The following SOX5 variants were observed in gnomAD, a reference collection of about 807,000 sequenced individuals.
SOX5 encodes the protein SRY-box transcription factor 5.
A neutral mutation model predicts 92.0 loss-of-function variants in SOX5; 9 were observed. The observed-to-expected ratio is 0.10, with a 90% CI of 0.06 to 0.17. SOX5 has a LOEUF of 0.17. Ranked by LOEUF, SOX5 falls within the 10% of genes least tolerant of loss-of-function variation. SOX5 has a pLI of 1.00. For synonymous variants in SOX5, 344 were observed against 336.3 expected, an observed-to-expected ratio of 1.02 and a Z score of -0.25; for missense variants, 642 against 944.5, an observed-to-expected ratio of 0.68 and a Z score of 4.20.
intron 8 of SOX5, among the ~76,000 whole-genome samples, chr12:23,610,603 C>T (rs951175259): frequency 2.6e-5 from 4 of 152,146 alleles, no homozygotes; most frequent in East Asian, 1.9e-4. Context: ...AGTGACTATA[C>T]ATAAAACAAA....
chr12:23,807,938 G>A (rs2095810519), intron 3 of SOX5, among the ~76,000 whole-genome samples: 1 of 152,068 alleles, frequency 6.6e-6, no homozygotes, highest in African/African-American at 2.4e-5. Context: ...GCAAGCCACT[G>A]CATCTGGACA....
At chr12:24,039,419 G>A (rs1230103124) in intron 4 of SOX5, among the ~76,000 whole-genome samples, 1 of 152,164 alleles carries the variant, frequency 6.6e-6, no homozygotes, top group Non-Finnish European at 1.5e-5. Context: ...AGATAATACT[G>A]AGATGAGTTA....
chr12:24,140,807 A>T, intron 4 of SOX5, among the ~76,000 whole-genome samples: 1 of 152,230 alleles, frequency 6.6e-6, no homozygotes. Context: ...ATCCATAGAT[A>T]TAACGACAAA....
intron 2 of SOX5, among the ~76,000 whole-genome samples, chr12:24,287,324 G>T (rs1945997379): frequency 6.7e-6 from 1 of 149,916 alleles, no homozygotes; most frequent in South Asian, 2.1e-4. Context: ...ATTCATTTTT[G>T]AAAAATTTAC....
chr12:24,176,977 G>GTTTTTTTTTTT (rs11295163), intron 4 of SOX5, among the ~76,000 whole-genome samples: 3 of 135,100 alleles, frequency 2.2e-5, no homozygotes, highest in African/African-American at 2.8e-5. Context: ...TTTGTTTTTT[G>GTTTTTTTTTTT]TTTTTTTTTT....
chr12:23,544,429 GGGGACTTGTAGAGACTGTA>G (rs1157933990), intron 12 of SOX5, among the ~76,000 whole-genome samples: 56 of 151,392 alleles, frequency 3.7e-4, no homozygotes, highest in Admixed American at 3.6e-3. Context: ...AAAATACTTT[GGGGACTTGTAGAGACTGTA>G]TTATCAACAA....
intron 8 of SOX5, among the ~76,000 whole-genome samples, chr12:23,634,363 T>C (rs986246469): frequency 2.6e-5 from 4 of 152,178 alleles, no homozygotes; most frequent in Non-Finnish European, 5.9e-5. Context: ...GTGTGCTATC[T>C]CTTAGGATCC....
At chr12:24,519,550 A>G (rs1950086048) in intron 1 of SOX5, among the ~76,000 whole-genome samples, 1 of 152,216 alleles carries the variant, frequency 6.6e-6, no homozygotes, top group African/African-American at 2.4e-5. Context: ...TCTATGCAGC[A>G]GAAACAGGAT....
At chr12:24,478,922 T>G (rs1470951853) in intron 1 of SOX5, among the ~76,000 whole-genome samples, 2 of 152,348 alleles carry the variant, frequency 1.3e-5, no homozygotes, top group African/African-American at 4.8e-5. Flanking sequence ...ATCTTCAACA[T>G]CATTCAAATG....
At chr12:24,459,921 G>A (rs1323942811) in intron 1 of SOX5, among the ~76,000 whole-genome samples, 1 of 152,156 alleles carries the variant, frequency 6.6e-6, no homozygotes, top group Non-Finnish European at 1.5e-5. Flanking sequence ...ACAATACTGT[G>A]GAGCTGAAGC....
chr12:24,294,942 C>A (rs775886368), intron 2 of SOX5, among the ~76,000 whole-genome samples: 10 of 152,098 alleles, frequency 6.6e-5, no homozygotes, highest in Non-Finnish European at 1.5e-4. Context: ...TTAACATCCA[C>A]AAAAGGTAAA....
In SOX5 at chr12:24,393,987, A is replaced by C. The variant is rs988038941; in HGVS notation, c.-250-25348T>G. The stretch of plus-strand genomic sequence containing the variant: ...ATAAAACCGTGAGTGGCTGAAGAAC[A>C]CACAATAGCATTCAGAACAGAGACC... On this transcript the variant is annotated intron_variant, in intron 1 of 4. Transcript: ENST00000446891. This position sits in a 1 kb window ranked among gnomAD's most constrained non-coding sequence, Gnocchi z 5.0. 6.6e-6 allele frequency among the ~76,000 whole-genome samples: 1 copy of C among 152,222 alleles called. No homozygotes were observed. Among genetic ancestry groups the C allele is most frequent in the African/African-American group, 2.4e-5 (1 of 41,462 alleles).
At chr12:24,528,635 A>C (rs1950919332) in intron 1 of SOX5, among the ~76,000 whole-genome samples, 1 of 152,218 alleles carries the variant, frequency 6.6e-6, no homozygotes. Flanking sequence ...TAGCCAGCCC[A>C]TATTGCGAGA....
chr12:24,310,487 C>A (rs1007635637), intron 2 of SOX5, among the ~76,000 whole-genome samples: 12 of 152,206 alleles, frequency 7.9e-5, no homozygotes, highest in African/African-American at 2.6e-4. Context: ...AATCAACTCC[C>A]CAAACTCAGC....
chr12:23,770,636 A>C (rs538656442), intron 3 of SOX5, among the ~76,000 whole-genome samples: 2 of 152,298 alleles, frequency 1.3e-5, no homozygotes, highest in Admixed American at 1.3e-4. Flanking sequence ...GCATGTTTAA[A>C]CAACAGAAAT....
At chr12:24,044,543 A>C (rs1250955308) in intron 4 of SOX5, among the ~76,000 whole-genome samples, 2 of 152,216 alleles carry the variant, frequency 1.3e-5, no homozygotes, top group African/African-American at 4.8e-5. Flanking sequence ...TTGGGTATGC[A>C]ACCTTAAAGA....
At chr12:24,382,710 A>C (rs1049695924) in intron 1 of SOX5, among the ~76,000 whole-genome samples, 1 of 152,146 alleles carries the variant, frequency 6.6e-6, no homozygotes, top group Non-Finnish European at 1.5e-5. Context: ...ACCAGACAGG[A>C]AATAGCGGAG....
At chr12:24,386,754 A>G (rs1958457619) in intron 1 of SOX5, among the ~76,000 whole-genome samples, 2 of 152,248 alleles carry the variant, frequency 1.3e-5, no homozygotes, top group African/African-American at 2.4e-5. Flanking sequence ...GAAATAAAGA[A>G]CAAGGAATCT....
intron 4 of SOX5, among the ~76,000 whole-genome samples, chr12:24,175,461 C>T (rs780827002): frequency 2.6e-4 from 39 of 152,352 alleles, no homozygotes; most frequent in Non-Finnish European, 1.8e-4. Flanking sequence ...GCTTCCTGTG[C>T]AGTAAGCACA....
Sources: gnomAD v4.1 joint callset for allele counts (sites outside exome capture counted in the v4.1 genomes callset) on GRCh38, gnomAD v4.1.1 for gene constraint, Gnocchi (gnomAD v3.1) non-coding constraint, MANE v1.5 for transcripts, NCBI Gene and HGNC (gene_info 2026-07-23, HGNC 2026-07-21) for gene names.